The following LIMA1 variants were observed in gnomAD, a reference collection of about 807,000 sequenced individuals.
LIMA1 encodes the protein LIM domain and actin-binding protein 1.
LIMA1 carries 52 observed loss-of-function variants against 62.6 expected under a neutral mutation model. The observed-to-expected ratio is 0.83, with a 90% CI of 0.67 to 1.05. The LOEUF (loss-of-function observed/expected upper bound fraction) is 1.05, where lower values mean the gene tolerates loss of function less well. Ranked by LOEUF, LIMA1 falls within the 50% of genes least tolerant of loss-of-function variation. The pLI, the probability that LIMA1 is intolerant of heterozygous loss-of-function variation, is 0.00. For synonymous variants in LIMA1, 302 were observed against 317.8 expected (o/e 0.95, Z 0.53); for missense variants, 780 against 902.2 (o/e 0.86, Z 1.74).
chr12:50,185,281 C>T (rs1416910390), intron 9 of LIMA1: 1 of 439,942 alleles, frequency 2.3e-6, no homozygotes, highest in South Asian at 1.6e-5. Context: ...ACGCAGAGCA[C>T]TCCTCCATCA....
chr12:50,251,423 C>T (rs1412159686), intron 1 of LIMA1, among the ~76,000 whole-genome samples: 1 of 151,960 alleles, frequency 6.6e-6, no homozygotes, highest in Non-Finnish European at 1.5e-5. Flanking sequence ...GTGTCCAAGA[C>T]CAGCCTGACC....
chr12:50,179,391 C>T (rs189469281), intron 10 of LIMA1, among the ~76,000 whole-genome samples: 7 of 151,800 alleles, frequency 4.6e-5, no homozygotes, highest in African/African-American at 1.7e-4. Context: ...CTGCCCGCCT[C>T]GGCCTCCCAA....
At chr12:50,182,143 G>T in intron 9 of LIMA1, 106 bp from the exon 10 acceptor site, 1 of 1,260,900 alleles carries the variant, frequency 7.9e-7, no homozygotes, top group East Asian at 2.3e-5. Flanking sequence ...TAGCTGGTCA[G>T]TCAATTCTCA....
intron 6 of LIMA1, 192 bp downstream of exon 6, chr12:50,204,360 A>G: frequency 1.8e-6 from 1 of 556,580 alleles, no homozygotes; most frequent in South Asian, 5.1e-5. Flanking sequence ...ACCAGGACTA[A>G]GAAAGCAAAG....
At chr12:50,237,424 G>A (rs990475172) in intron 2 of LIMA1, among the ~76,000 whole-genome samples, 77 of 152,180 alleles carry the variant, frequency 5.1e-4, no homozygotes, top group Non-Finnish European at 1.1e-3. Context: ...ATCTCCTGAG[G>A]TCAGGAGTTT....
At chr12:50,282,381 T>C (rs1942350801) in intron 1 of LIMA1, among the ~76,000 whole-genome samples, 1 of 152,178 alleles carries the variant, frequency 6.6e-6, no homozygotes, top group African/African-American at 2.4e-5. Context: ...GAATACTTAA[T>C]GCAAAAGAAA....
At chr12:50,217,596 C>A in intron 4 of LIMA1, 1 of 165,290 alleles carries the variant, frequency 6.0e-6, no homozygotes, top group East Asian at 1.6e-4. Flanking sequence ...GCTTCGGTGG[C>A]AGTCATGGGG....
intron 9 of LIMA1, among the ~76,000 whole-genome samples, chr12:50,191,580 G>A (rs942708006): frequency 6.6e-6 from 1 of 152,078 alleles, no homozygotes; most frequent in Non-Finnish European, 1.5e-5. Flanking sequence ...CCAGCACTTT[G>A]GGAGGCCAAG....
At chr12:50,243,930 T>C (rs1941812031) in intron 2 of LIMA1, among the ~76,000 whole-genome samples, 1 of 151,912 alleles carries the variant, frequency 6.6e-6, no homozygotes. Flanking sequence ...TTTTTTTTTT[T>C]CTGAGACGGA....
chr12:50,274,868 A>G (rs1483320698), intron 1 of LIMA1, among the ~76,000 whole-genome samples: 2 of 152,170 alleles, frequency 1.3e-5, no homozygotes, highest in Non-Finnish European at 1.5e-5. Flanking sequence ...AAGCAAATGC[A>G]AAGGCCCTGA....
chr12:50,191,210 T>G (rs1243864118), intron 9 of LIMA1: 1 of 151,702 alleles, frequency 6.6e-6, no homozygotes, highest in South Asian at 2.1e-4. Flanking sequence ...TCGTCCAATG[T>G]GCTGATTTTA....
At chr12:50,201,077 C>T (rs980381766) in intron 6 of LIMA1, 193 bp from the exon 7 acceptor site, 5 of 1,381,596 alleles carry the variant, frequency 3.6e-6, no homozygotes, top group Non-Finnish European at 4.7e-6. Flanking sequence ...TGGACACATA[C>T]CTCAGAGTTA....
intron 1 of LIMA1, among the ~76,000 whole-genome samples, chr12:50,274,517 G>A (rs1942252928): frequency 6.6e-6 from 1 of 152,060 alleles, no homozygotes; most frequent in African/African-American, 2.4e-5. Context: ...GGGAGTTGGA[G>A]GTTGCAGTGA....
intron 7 of LIMA1, among the ~76,000 whole-genome samples, chr12:50,198,366 C>T (rs917983991): frequency 6.6e-6 from 1 of 152,024 alleles, no homozygotes; most frequent in African/African-American, 2.4e-5. Context: ...AGAATTATAG[C>T]GAGACCCTGT....
At chr12:50,210,418 C>T (rs1307710796) in intron 4 of LIMA1, among the ~76,000 whole-genome samples, 3 of 90,858 alleles carry the variant, frequency 3.3e-5, no homozygotes, top group African/African-American at 7.8e-5. Context: ...ACCCCATTTC[C>T]AAAAAAAAAA....
chr12:50,251,166 A>C (rs897836476), intron 1 of LIMA1, among the ~76,000 whole-genome samples: 13 of 152,182 alleles, frequency 8.5e-5, no homozygotes, highest in African/African-American at 3.1e-4. Flanking sequence ...TAAAACTATC[A>C]TAGTTTTTTT....
At chr12:50,230,592 G>C (rs950571835) in intron 3 of LIMA1, among the ~76,000 whole-genome samples, 1 of 151,926 alleles carries the variant, frequency 6.6e-6, no homozygotes, top group African/African-American at 2.4e-5. Flanking sequence ...TTTTGAGACA[G>C]AGTCTCGCTC....
intron 8 of LIMA1, 89 bp downstream of exon 8, chr12:50,195,741 T>G: frequency 7.8e-7 from 1 of 1,284,078 alleles, no homozygotes. Flanking sequence ...TGTTATTTTC[T>G]CAGCACTGAC....
chr12:50,222,836 A>G (rs1941470730), intron 3 of LIMA1: 1 of 427,290 alleles, frequency 2.3e-6, no homozygotes, highest in Non-Finnish European at 3.7e-6. Context: ...AAGAAAAAGC[A>G]AAATACAAGT....
Sources: allele counts gnomAD v4.1 joint callset (sites outside exome capture counted in the v4.1 genomes callset), GRCh38; gene constraint gnomAD v4.1.1; transcripts MANE v1.5; gene names NCBI Gene and HGNC (gene_info 2026-07-23, HGNC 2026-07-21).